The following PPP1R2 variants were observed in gnomAD, a reference collection of about 807,000 sequenced individuals.
PPP1R2 encodes the protein protein phosphatase 1 regulatory inhibitor subunit 2.
Under a neutral mutation model 29.9 loss-of-function variants are expected in PPP1R2, and 16 were observed. The observed-to-expected ratio is 0.53, with a 90% CI of 0.36 to 0.81. PPP1R2 has a LOEUF of 0.81. PPP1R2 is among the 30% of genes least tolerant of loss of function. PPP1R2 has a pLI of 0.00. For synonymous variants in PPP1R2, 76 were observed against 91.5 expected, an observed-to-expected ratio of 0.83 and a Z score of 0.96; for missense variants, 197 against 252.7, an observed-to-expected ratio of 0.78 and a Z score of 1.49.
chr3:195,540,047 C>A (rs1180445796), intron 1 of PPP1R2, among the ~76,000 whole-genome samples: 1 of 152,164 alleles, frequency 6.6e-6, no homozygotes, highest in Admixed American at 6.5e-5. Context: ...TTTTACACAA[C>A]GAAGACACCT....
intron 2 of PPP1R2, among the ~76,000 whole-genome samples, chr3:195,527,543 G>A (rs1470262409): frequency 1.3e-5 from 2 of 152,162 alleles, no homozygotes; most frequent in Non-Finnish European, 2.9e-5. Context: ...GATTACAGGC[G>A]TTGAGCCACT....
chr3:195,541,480 A>G (rs1409980036), intron 1 of PPP1R2, among the ~76,000 whole-genome samples: 2 of 120,556 alleles, frequency 1.7e-5, no homozygotes, highest in African/African-American at 6.5e-5. Context: ...TTTTTTTTTA[A>G]GAGATGAGGT....
chr3:195,537,521 T>TGTGTGTGTGTG, intron 1 of PPP1R2, among the ~76,000 whole-genome samples: 1 of 33,044 alleles, frequency 3.0e-5, no homozygotes, highest in Non-Finnish European at 6.4e-5. Flanking sequence ...GTGTGTGTGT[T>TGTGTGTGTGTG]TCCATTTCAG....
intron 2 of PPP1R2, chr3:195,529,555 A>T: frequency 3.0e-6 from 1 of 338,144 alleles, no homozygotes; most frequent in East Asian, 5.2e-5. Context: ...GCAACCACTG[A>T]GGTGCAACAA....
chr3:195,542,279 TCAA>T (rs1719625684), intron 1 of PPP1R2, among the ~76,000 whole-genome samples: 1 of 152,190 alleles, frequency 6.6e-6, no homozygotes. Flanking sequence ...AATGCTCAGG[TCAA>T]CAACTTTTTA....
At chr3:195,524,785 T>A (rs753316094) in intron 3 of PPP1R2, 34 bp downstream of exon 3, 43 of 1,603,192 alleles carry the variant, frequency 2.7e-5, no homozygotes, top group Non-Finnish European at 3.5e-5. Flanking sequence ...ATAAACAGCC[T>A]AAGTGAAAAT....
At chr3:195,542,197 G>A (rs2108957695) in intron 1 of PPP1R2, among the ~76,000 whole-genome samples, 1 of 152,200 alleles carries the variant, frequency 6.6e-6, no homozygotes, top group East Asian at 1.9e-4. Flanking sequence ...CAAACGTACC[G>A]TAATTAATAT....
At position 195,514,772 on chromosome 3, in the gene PPP1R2, C is replaced by T. The variant is rs1428332036; in HGVS notation, c.*2124G>A. ...TGGTTCATATTTTGACTAGTTCATA[C>T]CCTATCAATTACCTACTTATGACTT... On this transcript the variant is annotated 3_prime_UTR_variant, in exon 6 of 6. Transcript: ENST00000618156. The T allele has an allele frequency of 1.3e-5, 2 of 155,068 alleles. No individual in the cohort carries two copies. Among genetic ancestry groups the T allele is most frequent in the African/African-American group, 4.8e-5 (2 of 41,498 alleles). The allele number at this position is 155,068 out of a possible 1,614,324, so 9.6% of individuals were successfully genotyped here. A position where few individuals can be genotyped will look rare whatever the true frequency, so the allele number is the denominator to read the frequency against.
intron 2 of PPP1R2, among the ~76,000 whole-genome samples, 174 bp from the exon 3 acceptor site, chr3:195,525,070 T>C (rs1347282198): frequency 6.6e-6 from 1 of 152,062 alleles, no homozygotes; most frequent in African/African-American, 2.4e-5. Context: ...TACTTAAAAG[T>C]ACAGCACCCA....
intron 4 of PPP1R2, 59 bp downstream of exon 4, chr3:195,523,633 G>T: frequency 7.2e-7 from 1 of 1,387,276 alleles, no homozygotes; most frequent in East Asian, 2.3e-5. Flanking sequence ...CCAAATAATG[G>T]ATTTATCTTA....
chr3:195,542,775 G>A, intron 1 of PPP1R2, 129 bp downstream of exon 1: 1 of 1,143,410 alleles, frequency 8.7e-7, no homozygotes. Context: ...CCCGCGGCTA[G>A]CCGGGCAGGA....
chr3:195,532,698 C>A (rs73196133), intron 1 of PPP1R2, among the ~76,000 whole-genome samples: 6 of 151,742 alleles, frequency 4.0e-5, no homozygotes, highest in Non-Finnish European at 7.4e-5. Context: ...CACTTATATG[C>A]GGATTTTTTT....
intron 1 of PPP1R2, among the ~76,000 whole-genome samples, chr3:195,539,636 C>T (rs1282217041): frequency 2.6e-5 from 4 of 152,080 alleles, no homozygotes; most frequent in South Asian, 4.1e-4. Context: ...GCGCTGTGAT[C>T]GTGCCACCGT....
chr3:195,517,803 T>A (rs1253566524), intron 5 of PPP1R2, among the ~76,000 whole-genome samples: 1 of 152,088 alleles, frequency 6.6e-6, no homozygotes, highest in South Asian at 2.1e-4. Flanking sequence ...AAGTTAAATA[T>A]AAGTTAAACA....
At position 195,516,198 on chromosome 3, in the gene PPP1R2, A is replaced by T. The variant is rs1175391861; in HGVS notation, c.*698T>A. The T allele has an allele frequency of 6.6e-6, 1 of 152,572 alleles. No homozygotes were observed. Among genetic ancestry groups the T allele is most frequent in the Non-Finnish European group, 1.5e-5 (1 of 67,986 alleles). 9.5% of individuals were successfully genotyped at this position (152,572 alleles called of 1,614,324 possible). On this transcript the variant is annotated 3_prime_UTR_variant, in exon 6 of 6. Coordinates refer to ENST00000618156, the MANE Select transcript of PPP1R2 (RefSeq NM_006241.8). ...CCCAGTGTACCAAAAACATTAAAAAACAAAAACAAACAAAAACCCCCCAAA... is the reference window on the plus strand; with the variant it reads ...CCCAGTGTACCAAAAACATTAAAAATCAAAAACAAACAAAAACCCCCCAAA...
At position 195,516,749 on chromosome 3, in the gene PPP1R2, CTAAGTT is replaced by C; in HGVS notation, c.*141_*146del. 1.5e-6 allele frequency: 1 copy of C among 667,484 alleles called. No individual in the cohort carries two copies. The highest frequency in any genetic ancestry group is 2.6e-6 in the Non-Finnish European group (1 of 389,148). 41.3% of individuals were successfully genotyped at this position (667,484 alleles called of 1,614,324 possible). On this transcript the variant is annotated 3_prime_UTR_variant, in exon 6 of 6. Coordinates refer to ENST00000618156, the MANE Select transcript of PPP1R2 (RefSeq NM_006241.8). ...TAGGCATTTTCAGTCTAATCAGTCTCTAAGTTTATCATTTAATTCTTGGCAATATAT... is the reference window on the plus strand; with the variant it reads ...TAGGCATTTTCAGTCTAATCAGTCTCTATCATTTAATTCTTGGCAATATAT...
rs1719653267 is a variant in PPP1R2, at chr3:195,542,937, T to C, written c.89A>G (p.Glu30Gly). 1 of 1,603,022 alleles carries C rather than the reference T, an allele frequency of 6.2e-7. No homozygotes were observed. Among genetic ancestry groups the C allele is most frequent in the Non-Finnish European group, 8.5e-7 (1 of 1,174,826 alleles). The part of the protein sequence containing the change: ...STTSSMVASA[E>G]QPRGNVDEEL... ...CTCGTCGACATTCCCGCGGGGCTGT[T>C]CGGCCGACGCCACCATAGAGGAAGT... is the stretch of plus-strand genomic sequence containing the variant. Residue 30 changes from glutamate (E) to glycine (G), a missense_variant, in exon 1 of 6, where the codon GAA becomes GGA. Around this residue, in one of 3 missense-constraint regions of PPP1R2, gnomAD observed 54 missense variants for 60.6 expected, o/e 0.89. Coordinates refer to ENST00000618156, the MANE Select transcript of PPP1R2 (RefSeq NM_006241.8).
intron 1 of PPP1R2, among the ~76,000 whole-genome samples, chr3:195,541,834 C>T (rs1719611335): frequency 6.6e-6 from 1 of 152,104 alleles, no homozygotes; most frequent in Non-Finnish European, 1.5e-5. Context: ...ACGATTCTAA[C>T]CTATGAACCT....
Position 195,538,921 on chromosome 3 carries a change from C to T in PPP1R2, c.122+3983G>A, listed in dbSNP as rs183111834. On this transcript the variant is annotated intron_variant, in intron 1 of 5. Coordinates refer to ENST00000618156, the MANE Select transcript of PPP1R2 (RefSeq NM_006241.8). ...ACTAATAAAGTTTGCTAATAAGCAG[C>T]AGACAAGATTCAAACCCAGGCAATC... Among the ~76,000 whole-genome samples, 5 of 152,282 alleles carry T rather than the reference C, an allele frequency of 3.3e-5. No individual in the cohort carries two copies. The East Asian group carries it at 9.6e-4, about 29-fold the overall frequency.
Sources: allele counts gnomAD v4.1 joint callset (sites outside exome capture counted in the v4.1 genomes callset), GRCh38; gene constraint gnomAD v4.1.1; regional missense constraint gnomAD v4.1.1; transcripts MANE v1.5; gene names NCBI Gene and HGNC (gene_info 2026-07-23, HGNC 2026-07-21).